Variants in RXFP1 observed in about 807,000 individuals in gnomAD.
The protein encoded by RXFP1 is relaxin family peptide receptor 1, also known as relaxin receptor 1.
A neutral mutation model predicts 89.8 loss-of-function variants in RXFP1; 73 were observed. That is an observed-to-expected ratio of 0.81 (90% CI 0.67 to 0.99). The LOEUF is 0.99. Ranked by LOEUF, RXFP1 falls within the 50% of genes least tolerant of loss-of-function variation. The probability of loss-of-function intolerance (pLI) is 0.00; values close to 1 mark genes in which losing one functional copy is unlikely to be tolerated. For synonymous variants in RXFP1, 277 were observed against 305.5 expected, an observed-to-expected ratio of 0.91 and a Z score of 0.97; for missense variants, 793 against 895.5, an observed-to-expected ratio of 0.89 and a Z score of 1.46.
At chr4:158,552,787 AG>A (rs1414372961) in intron 1 of RXFP1, among the ~76,000 whole-genome samples, 5 of 152,258 alleles carry the variant, frequency 3.3e-5, no homozygotes, top group Non-Finnish European at 7.3e-5. Context: ...AGGGCCCTAC[AG>A]GTATCACCGT....
intron 1 of RXFP1, among the ~76,000 whole-genome samples, chr4:158,562,636 A>T (rs1243734357): frequency 6.6e-6 from 1 of 151,136 alleles, no homozygotes; most frequent in Non-Finnish European, 1.5e-5. Flanking sequence ...CTTTTGAGCC[A>T]ACAATTTTTT....
At position 158,526,092 on chromosome 4, in the gene RXFP1, C is replaced by G. The variant is rs947370226; in HGVS notation, c.49+4067C>G. ...GGCTTCCACCACCTACGGTGAGGGC[C>G]TCCCCATCCAAGGCAAGTTTAACAA... is the stretch of plus-strand genomic sequence containing the variant. On this transcript the variant is annotated intron_variant, in intron 1 of 17. Coordinates refer to ENST00000307765, the MANE Select transcript of RXFP1 (RefSeq NM_021634.4). Among the ~76,000 whole-genome samples, 3 of 152,356 alleles carry G rather than the reference C, an allele frequency of 2.0e-5. No individual in the cohort carries two copies. In the East Asian group the frequency reaches 5.8e-4, roughly 29 times the overall value.
At chr4:158,542,044 C>T (rs773109698) in intron 1 of RXFP1, among the ~76,000 whole-genome samples, 142 of 136,468 alleles carry the variant, frequency 1.0e-3, no homozygotes, top group Non-Finnish European at 1.9e-3. Flanking sequence ...CTCAGCCTCC[C>T]GAGTAGCTGG....
chr4:158,643,621 G>T (rs186432463), intron 14 of RXFP1, among the ~76,000 whole-genome samples: 1 of 151,760 alleles, frequency 6.6e-6, no homozygotes, highest in East Asian at 1.9e-4. Flanking sequence ...ACAGGTGTGC[G>T]CCACCATGCC....
Position 158,572,753 on chromosome 4 carries a change from G to A in RXFP1, c.105G>A (p.Gly35=), listed in dbSNP as rs908497244. 1 of 1,614,198 alleles carries A rather than the reference G, an allele frequency of 6.2e-7. No homozygotes were observed. Among genetic ancestry groups the A allele is most frequent in the African/African-American group, 1.3e-5 (1 of 75,050 alleles). Residue 35 remains glycine (G), a synonymous_variant, in exon 2 of 18, where the codon GGG becomes GGA. Transcript: ENST00000307765. ...GCTCCCTTGGCTATTTCCCCTGTGG[G>A]AACATCACAAAGTGCTTGCCTCAGC... ...VKCSLGYFPC[G]NITKCLPQLL... is the part of the protein sequence containing the mutation.
intron 1 of RXFP1, among the ~76,000 whole-genome samples, chr4:158,549,396 A>T (rs185961556): frequency 6.6e-6 from 1 of 151,768 alleles, no homozygotes; most frequent in Non-Finnish European, 1.5e-5. Context: ...ATTGATTTGA[A>T]TTTCCTCCTG....
Position 158,651,834 on chromosome 4 carries a change from A to G in RXFP1, c.2053A>G (p.Thr685Ala), listed in dbSNP as rs779981373. 103 of 1,613,998 alleles carry G rather than the reference A, an allele frequency of 6.4e-5. 2 individuals carry two copies. The Admixed American group carries it at 1.7e-3, about 27-fold the overall frequency. ...GAACCCAATTCTCTATACTCTGACC[A>G]CAAGACCATTTAAAGAAATGATTCA... The part of the protein sequence containing the change: ...ALNPILYTLT[T>A]RPFKEMIHRF... Residue 685 changes from threonine to alanine, a missense_variant, in exon 18 of 18, where the codon ACA (threonine) becomes GCA (alanine). Transcript: ENST00000307765.
At chr4:158,568,307 A>C (rs191117572) in intron 1 of RXFP1, among the ~76,000 whole-genome samples, 2 of 152,380 alleles carry the variant, frequency 1.3e-5, no homozygotes, top group South Asian at 4.1e-4. Context: ...TTGAGGAGCT[A>C]TATCTGCCAC....
intron 1 of RXFP1, among the ~76,000 whole-genome samples, chr4:158,542,079 C>CTATGTATATATATATATATATA (rs1746810990): frequency 3.3e-5 from 1 of 29,852 alleles, no homozygotes; most frequent in Admixed American, 6.7e-4. Flanking sequence ...GCCACCATGG[C>CTATGTATATATATATATATATA]TATATATATA....
chr4:158,609,261 CAACT>C (rs1173309009), intron 6 of RXFP1, among the ~76,000 whole-genome samples: 2 of 152,206 alleles, frequency 1.3e-5, no homozygotes, highest in African/African-American at 4.8e-5. Context: ...TTTTCCACAG[CAACT>C]GTACCATTTT....
intron 1 of RXFP1, among the ~76,000 whole-genome samples, chr4:158,529,144 C>A (rs1255181957): frequency 6.6e-6 from 1 of 152,186 alleles, no homozygotes; most frequent in East Asian, 1.9e-4. Context: ...TGTTAAACGA[C>A]CCCAAGATAT....
intron 3 of RXFP1, among the ~76,000 whole-genome samples, chr4:158,598,298 G>A (rs1258053746): frequency 6.6e-6 from 1 of 152,172 alleles, no homozygotes; most frequent in Non-Finnish European, 1.5e-5. Context: ...CTTTGAGGAA[G>A]TTGGTAGATG....
Position 158,554,089 on chromosome 4 carries a change from T to C in RXFP1, c.50-18609T>C, listed in dbSNP as rs925337265. On this transcript the variant is annotated intron_variant, in intron 1 of 17. Coordinates refer to ENST00000307765, the MANE Select transcript of RXFP1 (RefSeq NM_021634.4). ...AGTAGCAACCCCCAAGTTGTGACAA[T>C]CAAAAATGTCTCCAAACATTGCCAA... 2.6e-5 allele frequency among the ~76,000 whole-genome samples: 4 copies of C among 151,774 alleles called. No homozygotes were observed. The South Asian group carries it at 8.3e-4, about 32-fold the overall frequency.
chr4:158,537,016 GT>G (rs111836218), intron 1 of RXFP1, among the ~76,000 whole-genome samples: 33,388 of 150,142 alleles, frequency 0.22, 5,294 homozygotes, highest in African/African-American at 0.44. Context: ...TTTATATTAG[GT>G]TTGGTGCAAA....
At chr4:158,647,348 A>G in intron 16 of RXFP1, 147 bp downstream of exon 16, 1 of 636,156 alleles carries the variant, frequency 1.6e-6, no homozygotes, top group Non-Finnish European at 2.6e-6. Context: ...TTCCAACCTG[A>G]CACAGCTTAA....
rs759998193 is a variant in RXFP1 at position 158,626,799 on chromosome 4, C to T, written c.756-21C>T. On this transcript the variant is annotated intron_variant, in intron 9 of 17. Transcript: ENST00000307765. Reference sequence around the variant, plus strand: ...CTCCATGATTAAGATTTAGCTGTATCGTTTTATTTTTATGTTCCAGGGACC... The same window carrying T: ...CTCCATGATTAAGATTTAGCTGTATTGTTTTATTTTTATGTTCCAGGGACC... The T allele has an allele frequency of 2.1e-5, 30 of 1,420,390 alleles. No homozygotes were observed. In the South Asian group the frequency reaches 3.2e-4, roughly 15 times the overall value. 88.0% of individuals were successfully genotyped at this position (1,420,390 alleles called of 1,614,324 possible). A position where few individuals can be genotyped will look rare whatever the true frequency, so the allele number is the denominator to read the frequency against.
chr4:158,628,069 G>T (rs1441331834), intron 10 of RXFP1, among the ~76,000 whole-genome samples: 1 of 152,156 alleles, frequency 6.6e-6, no homozygotes, highest in South Asian at 2.1e-4. Flanking sequence ...AAAATTAAAA[G>T]CCCTTTAAAA....
intron 1 of RXFP1, among the ~76,000 whole-genome samples, chr4:158,524,608 A>G (rs1164751385): frequency 6.6e-6 from 1 of 152,214 alleles, no homozygotes; most frequent in Non-Finnish European, 1.5e-5. Context: ...AGTCTAATTA[A>G]TTGTATTGTG....
At chr4:158,539,540 C>CA (rs1350376595) in intron 1 of RXFP1, among the ~76,000 whole-genome samples, 1 of 151,604 alleles carries the variant, frequency 6.6e-6, no homozygotes, top group East Asian at 1.9e-4. Context: ...GGGTGCTCCA[C>CA]AAAAGATGAA....
Sources: allele counts gnomAD v4.1 joint callset (sites outside exome capture counted in the v4.1 genomes callset), GRCh38; gene constraint gnomAD v4.1.1; transcripts MANE v1.5; gene names NCBI Gene and HGNC (gene_info 2026-07-23, HGNC 2026-07-21).